Variants in FILIP1 observed in about 807,000 individuals in gnomAD.
FILIP1 encodes the protein filamin-A-interacting protein 1.
A neutral mutation model predicts 102.1 loss-of-function variants in FILIP1; 61 were observed. The ratio of observed to expected loss-of-function variants is 0.60; its 90% CI spans 0.49 to 0.74. The LOEUF (loss-of-function observed/expected upper bound fraction) is 0.74, where lower values mean the gene tolerates loss of function less well. Among genes scored for constraint, FILIP1 ranks in the 30% least tolerant of loss-of-function variants. FILIP1 has a pLI of 0.00. For synonymous variants in FILIP1, 491 were observed against 526.9 expected (o/e 0.93, Z 0.93); for missense variants, 1,314 against 1,441.2 (o/e 0.91, Z 1.43).
intron 2 of FILIP1, among the ~76,000 whole-genome samples, chr6:75,413,875 C>T (rs548669079): frequency 6.6e-6 from 1 of 150,474 alleles, no homozygotes; most frequent in East Asian, 2.0e-4. Flanking sequence ...TCCTGCCTGC[C>T]TCCTGGGTCC....
chr6:75,354,416 C>G lies in FILIP1; in HGVS notation c.451-699G>C, dbSNP rs577118996. On this transcript the variant is annotated intron_variant, in intron 3 of 5. Transcript: ENST00000237172. ...TGAAAACCTGTCTCTACTAAAAATA[C>G]AAAAATTAGCCGGATGTGGTGGCAC... 5.9e-5 allele frequency among the ~76,000 whole-genome samples: 9 copies of G among 152,056 alleles called. No homozygotes were observed. In the East Asian group the frequency reaches 1.7e-3, roughly 29 times the overall value.
Position 75,312,535 on chromosome 6 carries a change from G to A in FILIP1, c.3297C>T (p.Ala1099=), listed in dbSNP as rs765483274. ...CAGTGCCGGTGGAAACCTCCTTTTC[G>A]GCTGTCACGTTTACTGGTCGGACAG... ...VITVRPVNVT[A]EKEVSTGTVL... The change falls in exon 5 of 6, where the codon GCC becomes GCT. Residue 1099 remains alanine, a synonymous_variant. Transcript: ENST00000237172. 8 of 1,614,134 alleles carry A rather than the reference G, an allele frequency of 5.0e-6. No individual in the cohort carries two copies. In the Admixed American group the frequency reaches 5.0e-5, roughly 10 times the overall value.
At chr6:75,328,116 T>G (rs950642284) in intron 4 of FILIP1, among the ~76,000 whole-genome samples, 25 of 152,204 alleles carry the variant, frequency 1.6e-4, no homozygotes, top group Non-Finnish European at 3.5e-4. Context: ...ACCTATGGAT[T>G]TTTTTAAAAT....
intron 1 of FILIP1, among the ~76,000 whole-genome samples, chr6:75,440,839 C>T (rs1024115806): frequency 6.6e-6 from 1 of 151,408 alleles, no homozygotes; most frequent in African/African-American, 2.4e-5. Context: ...ATCCCAGCTA[C>T]TTGGGAGGCT....
At chr6:75,393,583 T>C (rs369637264) in intron 2 of FILIP1, among the ~76,000 whole-genome samples, 10 of 152,302 alleles carry the variant, frequency 6.6e-5, no homozygotes, top group African/African-American at 2.4e-4. Context: ...CATGGAATAG[T>C]TGGATAAATC....
intron 1 of FILIP1, among the ~76,000 whole-genome samples, chr6:75,479,868 CAAAAAAAA>C (rs58566488): frequency 0.012 from 533 of 42,856 alleles, 6 homozygotes; most frequent in African/African-American, 0.051. Context: ...AGCTGTATCT[CAAAAAAAA>C]AAAAAAAAAA....
chr6:75,439,391 G>T (rs1471949759), intron 1 of FILIP1, among the ~76,000 whole-genome samples: 1 of 152,008 alleles, frequency 6.6e-6, no homozygotes, highest in East Asian at 1.9e-4. Flanking sequence ...TAAATGGATT[G>T]TAAGAAAATA....
Position 75,422,508 on chromosome 6 carries a change from TA to T in FILIP1, c.-6-7531del, listed in dbSNP as rs143325091. Among the ~76,000 whole-genome samples the T allele has an allele frequency of 6.9e-3, 1,047 of 152,272 alleles. 14 individuals carry two copies. The East Asian group carries it at 0.07, about 10-fold the overall frequency. ...TAGCCAGGACTAGAATTTCTTCCTG[TA>T]TTTCATCAGGCTCAGAACTGAATAA... is the stretch of plus-strand genomic sequence containing the variant. On this transcript the variant is annotated intron_variant, in intron 1 of 5. Coordinates refer to ENST00000237172, the MANE Select transcript of FILIP1 (RefSeq NM_015687.5).
At chr6:75,476,423 A>G (rs1363778269) in intron 1 of FILIP1, among the ~76,000 whole-genome samples, 1 of 152,168 alleles carries the variant, frequency 6.6e-6, no homozygotes, top group Non-Finnish European at 1.5e-5. Flanking sequence ...TTATACCCTC[A>G]GTTGAATCAG....
At chr6:75,315,572 T>G (rs1773417707) in intron 4 of FILIP1, among the ~76,000 whole-genome samples, 1 of 152,276 alleles carries the variant, frequency 6.6e-6, no homozygotes. Flanking sequence ...ACTTAGGTTG[T>G]GCAATAATAA....
chr6:75,308,984 T>C, intron 5 of FILIP1, 87 bp from the exon 6 acceptor site: 7 of 1,432,854 alleles, frequency 4.9e-6, no homozygotes, highest in Non-Finnish European at 6.7e-6. Context: ...AGTGGGACTC[T>C]TGCCACACAG....
At chr6:75,306,565 G>T (rs1257892616), downstream of FILIP1, among the ~76,000 whole-genome samples, 2 of 152,124 alleles carry the variant, frequency 1.3e-5, no homozygotes, top group Non-Finnish European at 2.9e-5. Context: ...TTTTGAAAGC[G>T]TTGAATGTTC....
chr6:75,372,838 T>C (rs902896590), intron 2 of FILIP1, among the ~76,000 whole-genome samples: 17 of 150,704 alleles, frequency 1.1e-4, no homozygotes, highest in Non-Finnish European at 3.0e-5. Context: ...TACAGAAAAA[T>C]TGAAACCCTG....
intron 4 of FILIP1, among the ~76,000 whole-genome samples, chr6:75,324,702 A>G (rs1488516945): frequency 1.3e-5 from 2 of 152,238 alleles, no homozygotes; most frequent in African/African-American, 4.8e-5. Flanking sequence ...AGAAGGCCAT[A>G]TTCACCAAAA....
chr6:75,304,504 C>T (rs978139800), downstream of FILIP1, among the ~76,000 whole-genome samples: 1 of 152,184 alleles, frequency 6.6e-6, no homozygotes, highest in Non-Finnish European at 1.5e-5. Flanking sequence ...GCGTGAGCTA[C>T]CATGCCTGGC....
rs1333243728 is a variant in FILIP1, at chr6:75,314,836, T to C, written c.996A>G (p.Arg332=). 1 of 1,613,986 alleles carries C rather than the reference T, an allele frequency of 6.2e-7. No homozygotes were observed. Among genetic ancestry groups the C allele is most frequent in the African/African-American group, 1.3e-5 (1 of 74,938 alleles). ...TTTGGGTTAAGCCAACCAGCTTGAGTCTAAGTTGCCTATTGTGAGACTCTT... is the reference window on the plus strand; with the variant it reads ...TTTGGGTTAAGCCAACCAGCTTGAGCCTAAGTTGCCTATTGTGAGACTCTT... ...ANQESHNRQL[R]LKLVGLTQRI... The change falls in exon 5 of 6, where the codon AGA becomes AGG. Residue 332 remains arginine (R), a synonymous_variant. Transcript: ENST00000237172.
chr6:75,471,792 T>C lies in FILIP1; in HGVS notation c.-7+21622A>G, dbSNP rs117060160. Among the ~76,000 whole-genome samples, 188 of 152,324 alleles carry C rather than the reference T, an allele frequency of 1.2e-3. 1 individual carries two copies. The East Asian group carries it at 0.035, about 28-fold the overall frequency. On this transcript the variant is annotated intron_variant, in intron 1 of 5. Coordinates refer to ENST00000237172, the MANE Select transcript of FILIP1 (RefSeq NM_015687.5). Reference sequence around the variant, plus strand: ...GTGTACTGAAAAAATGTCTAAGTCATGTTGTTAGGTGAAATAATGTATATA... The same window carrying C: ...GTGTACTGAAAAAATGTCTAAGTCACGTTGTTAGGTGAAATAATGTATATA...
chr6:75,345,470 C>G (rs764841642), intron 4 of FILIP1, among the ~76,000 whole-genome samples: 2 of 151,828 alleles, frequency 1.3e-5, no homozygotes, highest in Non-Finnish European at 2.9e-5. Flanking sequence ...GAATATACTA[C>G]CTGGGACTAG....
rs1211206449 is a variant in FILIP1 at position 75,414,812 on chromosome 6, G to A, written c.161C>T (p.Thr54Ile). Residue 54 changes from threonine (T) to isoleucine (I), a missense_variant, in exon 2 of 6, where the codon ACT (threonine) becomes ATT (isoleucine). This residue lies in a region of FILIP1 where 494 missense variants were observed against 511.2 expected (regional missense o/e 0.97). Coordinates refer to ENST00000237172, the MANE Select transcript of FILIP1 (RefSeq NM_015687.5). ...AGATGTTTTTAGGTGTCGTTTGACA[G>A]TTCCTGAGGCCATGACATCATCCTC... ...RKEDDVMASGTVKRHLKTSGE... is the reference protein window; with the variant it reads ...RKEDDVMASGIVKRHLKTSGE... 1 of 1,613,744 alleles carries A rather than the reference G, an allele frequency of 6.2e-7. No individual in the cohort carries two copies. Among genetic ancestry groups the A allele is most frequent in the Non-Finnish European group, 8.5e-7 (1 of 1,179,846 alleles).
Sources: allele counts gnomAD v4.1 joint callset (sites outside exome capture counted in the v4.1 genomes callset), GRCh38; gene constraint gnomAD v4.1.1; regional missense constraint gnomAD v4.1.1; transcripts MANE v1.5; gene names NCBI Gene and HGNC (gene_info 2026-07-23, HGNC 2026-07-21).